The following GALNT2 variants were observed in gnomAD, a reference collection of about 807,000 sequenced individuals.
GALNT2 encodes UDP-GalNAc:polypeptide N-acetylgalactosaminyltransferase 2.
Under a neutral mutation model 81.4 loss-of-function variants are expected in GALNT2, and 31 were observed. That is an observed-to-expected ratio of 0.38 (90% confidence interval 0.29 to 0.51). GALNT2 has a LOEUF of 0.51. GALNT2 is among the 20% of genes least tolerant of loss of function. The pLI, the probability that GALNT2 is intolerant of heterozygous loss-of-function variation, is 0.87. For synonymous variants in GALNT2, 303 were observed against 287.4 expected, an observed-to-expected ratio of 1.05 and a Z score of -0.55; for missense variants, 629 against 765.7, an observed-to-expected ratio of 0.82 and a Z score of 2.11.
intron 1 of GALNT2, among the ~76,000 whole-genome samples, chr1:230,107,720 G>T (rs1660584687): frequency 2.0e-5 from 3 of 151,764 alleles, no homozygotes; most frequent in African/African-American, 7.3e-5. Context: ...TTACATATTG[G>T]TGCTTTAGCA....
intron 2 of GALNT2, among the ~76,000 whole-genome samples, chr1:230,195,749 G>A (rs186626743): frequency 5.1e-4 from 78 of 152,212 alleles, no homozygotes; most frequent in Admixed American, 1.3e-4. Context: ...TGCCCGCACC[G>A]CCACAGATTC....
At chr1:230,174,511 G>GCAACTGTCTTGCATTTT (rs1414838398) in intron 1 of GALNT2, among the ~76,000 whole-genome samples, 1 of 151,854 alleles carries the variant, frequency 6.6e-6, no homozygotes, top group Non-Finnish European at 1.5e-5. Flanking sequence ...ACCCTCCCCA[G>GCAACTGTCTTGCATTTT]CAACTGTCTT....
intron 1 of GALNT2, among the ~76,000 whole-genome samples, chr1:230,150,404 T>G (rs1662056567): frequency 1.3e-5 from 2 of 152,250 alleles, no homozygotes; most frequent in Admixed American, 1.3e-4. Context: ...CAAAAATCCT[T>G]TTTCAACCTT....
chr1:230,145,107 C>T (rs78891266), intron 1 of GALNT2, among the ~76,000 whole-genome samples: 5,568 of 151,334 alleles, frequency 0.037, 191 homozygotes, highest in East Asian at 0.17. Flanking sequence ...CAGGCTCTCA[C>T]TCATCCCGTT....
In GALNT2 at chr1:230,281,311, T is replaced by A. The variant is rs1174472622; in HGVS notation, c.*1853T>A. The A allele has an allele frequency of 2.6e-5, 4 of 151,972 alleles. No individual in the cohort carries two copies. The highest frequency in any genetic ancestry group is 9.7e-5 in the African/African-American group (4 of 41,328). The allele number at this position is 151,972 out of a possible 1,614,324, so 9.4% of individuals were successfully genotyped here. A position where few individuals can be genotyped will look rare whatever the true frequency, so the allele number is the denominator to read the frequency against. On this transcript the variant is annotated 3_prime_UTR_variant, in exon 16 of 16. Transcript: ENST00000366672. ...CCCTGCCATGCAACCAGATGTGTTG[T>A]GAGTGGGCAGCGTGCCCCCACGCTG...
At chr1:230,239,477 T>C (rs1213313035) in intron 6 of GALNT2, among the ~76,000 whole-genome samples, 1 of 152,170 alleles carries the variant, frequency 6.6e-6, no homozygotes, top group South Asian at 2.1e-4. Context: ...GTCCCAAAGC[T>C]GAAGAACTTG....
chr1:230,279,520 A>G lies in GALNT2; in HGVS notation c.*62A>G, dbSNP rs933878747. 3.9e-6 allele frequency: 6 copies of G among 1,550,816 alleles called. No individual in the cohort carries two copies. The highest frequency in any genetic ancestry group is 5.3e-6 in the Non-Finnish European group (6 of 1,141,982). ...CCATTGGGTGGAGTCTGGTGATCAC[A>G]TTATTGATTATGTTTCTTAAACTTT... is the stretch of plus-strand genomic sequence containing the variant. On this transcript the variant is annotated 3_prime_UTR_variant, in exon 16 of 16. Transcript: ENST00000366672. The surrounding 1 kb of genome is among the most constrained non-coding windows in gnomAD (Gnocchi z 4.6).
At chr1:230,276,558 G>A (rs1666313134) in intron 15 of GALNT2, among the ~76,000 whole-genome samples, 1 of 152,124 alleles carries the variant, frequency 6.6e-6, no homozygotes, top group South Asian at 2.1e-4. Flanking sequence ...CCGAGTCCCC[G>A]GTTCTGACCC....
chr1:230,254,846 T>C (rs1462477370), intron 10 of GALNT2, among the ~76,000 whole-genome samples: 4 of 152,268 alleles, frequency 2.6e-5, no homozygotes, highest in African/African-American at 9.6e-5. Context: ...AAGTGTTTTG[T>C]CACTCAGTAG....
intron 14 of GALNT2, among the ~76,000 whole-genome samples, chr1:230,272,939 A>AT (rs1056149118): frequency 6.6e-6 from 1 of 151,952 alleles, no homozygotes; most frequent in Non-Finnish European, 1.5e-5. Flanking sequence ...CGGTCAACTT[A>AT]TTTTTTATTT....
intron 3 of GALNT2, among the ~76,000 whole-genome samples, chr1:230,223,003 A>G (rs567215424): frequency 6.6e-6 from 1 of 152,170 alleles, no homozygotes; most frequent in Non-Finnish European, 1.5e-5. Context: ...CCAAATTCAA[A>G]TATACATGTT....
At chr1:230,105,370 G>A (rs1371797093) in intron 1 of GALNT2, among the ~76,000 whole-genome samples, 1 of 152,094 alleles carries the variant, frequency 6.6e-6, no homozygotes, top group Non-Finnish European at 1.5e-5. Context: ...GGCTCTTGTC[G>A]CACCATATCA....
chr1:230,097,142 T>G (rs2102773387), intron 1 of GALNT2, among the ~76,000 whole-genome samples: 1 of 152,310 alleles, frequency 6.6e-6, no homozygotes, highest in East Asian at 1.9e-4. Flanking sequence ...AATAAAACTG[T>G]CAATCCAGAT....
intron 1 of GALNT2, among the ~76,000 whole-genome samples, chr1:230,148,897 C>T (rs1662007015): frequency 6.6e-6 from 1 of 151,004 alleles, no homozygotes; most frequent in Admixed American, 6.6e-5. Flanking sequence ...CCACTCCTCC[C>T]CACCTTTTTT....
At chr1:230,154,137 T>C (rs1662174579) in intron 1 of GALNT2, among the ~76,000 whole-genome samples, 1 of 152,250 alleles carries the variant, frequency 6.6e-6, no homozygotes, top group South Asian at 2.1e-4. Flanking sequence ...ATATTGCCAT[T>C]GTGCAACGGG....
intron 1 of GALNT2, among the ~76,000 whole-genome samples, chr1:230,144,126 G>T (rs957574350): frequency 2.0e-5 from 3 of 152,222 alleles, no homozygotes; most frequent in Non-Finnish European, 4.4e-5. Context: ...CCTGGATCGG[G>T]AGGCAGAGCA....
At chr1:230,080,409 A>C (rs760089588) in intron 1 of GALNT2, among the ~76,000 whole-genome samples, 3 of 152,196 alleles carry the variant, frequency 2.0e-5, no homozygotes, top group Non-Finnish European at 4.4e-5. Context: ...CCCGTGCATG[A>C]AGCAGTGTGA....
intron 3 of GALNT2, among the ~76,000 whole-genome samples, chr1:230,235,637 C>T (rs761753784): frequency 1.3e-5 from 2 of 152,176 alleles, no homozygotes; most frequent in Non-Finnish European, 2.9e-5. Context: ...AGCAGTGGCG[C>T]ACAGTTGGTT....
At chr1:230,202,157 C>T (rs1663912694) in intron 2 of GALNT2, among the ~76,000 whole-genome samples, 1 of 152,152 alleles carries the variant, frequency 6.6e-6, no homozygotes, top group Non-Finnish European at 1.5e-5. Flanking sequence ...ATATAGGTGG[C>T]AAATGGCGAA....
Sources: gnomAD v4.1 joint callset for allele counts (sites outside exome capture counted in the v4.1 genomes callset) on GRCh38, gnomAD v4.1.1 for gene constraint, Gnocchi (gnomAD v3.1) non-coding constraint, MANE v1.5 for transcripts, NCBI Gene and HGNC (gene_info 2026-07-23, HGNC 2026-07-21) for gene names.